TSHR: variants seen among roughly 807,000 people sequenced by gnomAD.
TSHR encodes the protein thyrotropin receptor.
A neutral mutation model predicts 64.1 loss-of-function variants in TSHR; 51 were observed. The ratio of observed to expected loss-of-function variants is 0.80; its 90% CI spans 0.64 to 1.01. The LOEUF (loss-of-function observed/expected upper bound fraction) is 1.01. Among genes scored for constraint, TSHR ranks in the 50% least tolerant of loss-of-function variants. TSHR has a pLI of 0.00. For synonymous variants in TSHR, 361 were observed against 361.9 expected (o/e 1.00, Z 0.03); for missense variants, 877 against 942.8 (o/e 0.93, Z 0.91).
At chr14:81,133,696 C>T (rs928145336) in intron 8 of TSHR, among the ~76,000 whole-genome samples, 2 of 152,134 alleles carry the variant, frequency 1.3e-5, no homozygotes, top group Non-Finnish European at 2.9e-5. Flanking sequence ...GAAAAGCACC[C>T]TCTTAAATAC....
chr14:81,048,477 C>A (rs974829186), intron 1 of TSHR, among the ~76,000 whole-genome samples: 2 of 152,048 alleles, frequency 1.3e-5, no homozygotes, highest in African/African-American at 4.8e-5. Context: ...TCTAAATGGT[C>A]TCAATCTGAT....
chr14:81,131,477 A>G (rs1275266508), intron 8 of TSHR, among the ~76,000 whole-genome samples: 1 of 152,184 alleles, frequency 6.6e-6, no homozygotes, highest in Non-Finnish European at 1.5e-5. Flanking sequence ...TGTTCTTTCG[A>G]CAGCCTACAA....
At chr14:81,098,552 A>C (rs928395901) in intron 7 of TSHR, among the ~76,000 whole-genome samples, 2 of 152,190 alleles carry the variant, frequency 1.3e-5, no homozygotes, top group South Asian at 4.1e-4. Flanking sequence ...ATTTTCTATG[A>C]ATGGAGTATG....
chr14:81,139,769 G>A lies in TSHR; in HGVS notation c.783G>A (p.Lys261=), dbSNP rs760016827. The change falls in exon 9 of 10, where the codon AAG becomes AAA. Residue 261 remains lysine, a synonymous_variant. Coordinates refer to ENST00000298171, the MANE Select transcript of TSHR (RefSeq NM_000369.5). ...ELIARNTWTL[K]KLPLSLSFLH... ...TAGCAAGAAACACCTGGACTCTTAAGAAACTTCCACTTTCCTTGAGTTTCC... is the reference window on the plus strand; with the variant it reads ...TAGCAAGAAACACCTGGACTCTTAAAAAACTTCCACTTTCCTTGAGTTTCC... 1 of 1,614,214 alleles carries A rather than the reference G, an allele frequency of 6.2e-7. No homozygotes were observed. Among genetic ancestry groups the A allele is most frequent in the South Asian group, 1.1e-5 (1 of 91,084 alleles).
chr14:81,085,520 C>T (rs996490889), intron 3 of TSHR, among the ~76,000 whole-genome samples: 14 of 152,066 alleles, frequency 9.2e-5, no homozygotes, highest in African/African-American at 3.4e-4. Flanking sequence ...TCCTTGCTGC[C>T]TCTCCCACAT....
intron 8 of TSHR, among the ~76,000 whole-genome samples, chr14:81,121,160 C>T (rs72691611): frequency 0.07 from 10,502 of 150,768 alleles, 484 homozygotes; most frequent in African/African-American, 0.13. Flanking sequence ...AAAAGACCCA[C>T]GGAGAACCCA....
At chr14:81,031,745 C>T (rs553512864) in intron 1 of TSHR, among the ~76,000 whole-genome samples, 1 of 152,326 alleles carries the variant, frequency 6.6e-6, no homozygotes, top group South Asian at 2.1e-4. Context: ...AAACTAGCCA[C>T]ACAAACTCTA....
At chr14:81,091,042 T>C in intron 4 of TSHR, 27 bp from the exon 5 acceptor site, 1 of 1,589,284 alleles carries the variant, frequency 6.3e-7, no homozygotes. Context: ...TTCTATGCTT[T>C]TTTTTCTCTT....
intron 1 of TSHR, chr14:81,049,406 G>GA (rs1885323432): frequency 6.6e-6 from 1 of 152,140 alleles, no homozygotes; most frequent in African/African-American, 2.4e-5. Flanking sequence ...ACTTTATAAT[G>GA]AAAAGCTTGC....
At chr14:80,971,523 T>C (rs1887588652) in intron 1 of TSHR, among the ~76,000 whole-genome samples, 1 of 152,226 alleles carries the variant, frequency 6.6e-6, no homozygotes, top group African/African-American at 2.4e-5. Flanking sequence ...TGAAGACATA[T>C]CTGGCACAGC....
chr14:81,076,710 C>A (rs984885763), intron 3 of TSHR, among the ~76,000 whole-genome samples: 2 of 152,198 alleles, frequency 1.3e-5, no homozygotes, highest in Non-Finnish European at 2.9e-5. Context: ...TCCTCTTCCT[C>A]TCCACTGCCA....
chr14:81,131,623 C>T (rs1891252670), intron 8 of TSHR, among the ~76,000 whole-genome samples: 1 of 152,200 alleles, frequency 6.6e-6, no homozygotes, highest in Non-Finnish European at 1.5e-5. Context: ...AGTCTTTACA[C>T]TGCTGGTCCT....
chr14:81,009,409 C>T (rs918566821), intron 1 of TSHR, among the ~76,000 whole-genome samples: 1 of 151,046 alleles, frequency 6.6e-6, no homozygotes, highest in Admixed American at 6.7e-5. Context: ...AATAAATACC[C>T]CTATGCGCCC....
chr14:80,955,831 C>T lies in TSHR; in HGVS notation c.151C>T (p.Pro51Ser), dbSNP rs752234113. 1 of 1,614,234 alleles carries T rather than the reference C, an allele frequency of 6.2e-7. No individual in the cohort carries two copies. The highest frequency in any genetic ancestry group is 1.3e-5 in the African/African-American group (1 of 75,074). Residue 51 changes from proline (P) to serine (S), a missense_variant, in exon 1 of 10, where the codon CCG becomes TCG. Physicochemically the swap from Pro to Ser is moderately conservative, Grantham distance 74. Coordinates refer to ENST00000298171, the MANE Select transcript of TSHR (RefSeq NM_000369.5). Reference protein sequence around the residue: ...CKDIQRIPSLPPSTQTLKLIE... With the variant: ...CKDIQRIPSLSPSTQTLKLIE... ...GGATATTCAACGCATCCCCAGCTTA[C>T]CGCCCAGTACGCAGACTCTGTGAGT...
intron 8 of TSHR, among the ~76,000 whole-genome samples, chr14:81,128,584 T>C (rs1891110147): frequency 6.6e-6 from 1 of 152,172 alleles, no homozygotes; most frequent in Non-Finnish European, 1.5e-5. Context: ...CAAAGACCTG[T>C]GCTGTTTGTC....
chr14:81,041,224 G>C (rs1158490022), intron 1 of TSHR, among the ~76,000 whole-genome samples: 1 of 152,070 alleles, frequency 6.6e-6, no homozygotes, highest in Admixed American at 6.5e-5. Flanking sequence ...GCACACATAT[G>C]TTCATTGCAG....
At chr14:81,116,809 G>T (rs973373670) in intron 8 of TSHR, among the ~76,000 whole-genome samples, 9 of 150,874 alleles carry the variant, frequency 6.0e-5, no homozygotes, top group African/African-American at 2.2e-4. Flanking sequence ...AAATGTAAAA[G>T]AACACAAATT....
At chr14:81,011,594 A>G (rs1889911074) in intron 1 of TSHR, among the ~76,000 whole-genome samples, 1 of 151,678 alleles carries the variant, frequency 6.6e-6, no homozygotes, top group South Asian at 2.1e-4. Context: ...ATGTTTATCT[A>G]TTTTATTAGT....
intron 1 of TSHR, among the ~76,000 whole-genome samples, chr14:81,007,179 G>A (rs527268524): frequency 1.3e-5 from 2 of 152,294 alleles, no homozygotes; most frequent in African/African-American, 4.8e-5. Context: ...AGGTCATGAG[G>A]ATTAGTGTCC....
Sources: gnomAD v4.1 joint callset for allele counts (sites outside exome capture counted in the v4.1 genomes callset) on GRCh38, gnomAD v4.1.1 for gene constraint, MANE v1.5 for transcripts, NCBI Gene and HGNC (gene_info 2026-07-23, HGNC 2026-07-21) for gene names.